The following OTUD7A variants were observed in gnomAD, a reference collection of about 807,000 sequenced individuals.
OTUD7A encodes OTU domain-containing protein 7A.
In OTUD7A, 12 loss-of-function variants were observed where a neutral mutation model predicts 65.7. The ratio of observed to expected loss-of-function variants is 0.18; its 90% CI spans 0.12 to 0.30. OTUD7A has a LOEUF of 0.30. Ranked by LOEUF, OTUD7A falls within the 10% of genes least tolerant of loss-of-function variation. OTUD7A has a pLI of 1.00. For missense variants in OTUD7A, 1,148 were observed against 1,304.8 expected (o/e 0.88, Z 1.85); for synonymous variants, 641 against 586.3 (o/e 1.09, Z -1.35).
intron 1 of OTUD7A, among the ~76,000 whole-genome samples, chr15:31,840,991 C>T (rs917831651): frequency 1.4e-4 from 21 of 152,120 alleles, no homozygotes; most frequent in African/African-American, 4.8e-4. Context: ...TGAGGAATGC[C>T]GTCACCTGTG....
intron 1 of OTUD7A, among the ~76,000 whole-genome samples, chr15:31,828,173 T>C (rs1050200860): frequency 6.6e-6 from 1 of 152,232 alleles, no homozygotes; most frequent in Non-Finnish European, 1.5e-5. Flanking sequence ...TATGCTTAAA[T>C]TCTGCTTTAG....
intron 8 of OTUD7A, among the ~76,000 whole-genome samples, chr15:31,523,892 C>T (rs139573594): frequency 0.034 from 5,164 of 152,332 alleles, 112 homozygotes; most frequent in Middle Eastern, 0.099. Flanking sequence ...CTCTGGAGCA[C>T]CCTGTTGGCG....
intron 1 of OTUD7A, among the ~76,000 whole-genome samples, chr15:31,792,900 C>T (rs140036294): frequency 6.6e-6 from 1 of 152,248 alleles, no homozygotes; most frequent in Non-Finnish European, 1.5e-5. Context: ...GGCAGGCTGC[C>T]CCCCTGCCTG....
At position 31,726,347 on chromosome 15, in the gene OTUD7A, G is replaced by A. The variant is rs188247278; in HGVS notation, c.-99-69270C>T. 4.4e-4 allele frequency among the ~76,000 whole-genome samples: 66 copies of A among 149,892 alleles called. 1 individual carries two copies. The East Asian group carries it at 4.5e-3, about 10-fold the overall frequency. ...TCTCGAATTACACACACACACACAC[G>A]CACACACACACACACACACACTTTG... On this transcript the variant is annotated intron_variant, in intron 1 of 12. Coordinates refer to ENST00000307050, the MANE Select transcript of OTUD7A (RefSeq NM_001382637.1).
chr15:31,510,537 A>G, intron 8 of OTUD7A, among the ~76,000 whole-genome samples: 1 of 104,640 alleles, frequency 9.6e-6, no homozygotes, highest in South Asian at 3.0e-4. Flanking sequence ...TGTAACATAC[A>G]TATGTATATC....
chr15:31,857,297 A>G (rs909690694), intron 1 of OTUD7A, among the ~76,000 whole-genome samples: 2 of 152,194 alleles, frequency 1.3e-5, no homozygotes, highest in African/African-American at 4.8e-5. Flanking sequence ...CAGATGTCAC[A>G]TACAGGGACA....
chr15:31,663,282 CAA>C (rs1491228574), intron 1 of OTUD7A, among the ~76,000 whole-genome samples: 14 of 150,358 alleles, frequency 9.3e-5, no homozygotes, highest in South Asian at 6.3e-4. Flanking sequence ...CACACACACA[CAA>C]GTTTTTAAAA....
intron 1 of OTUD7A, among the ~76,000 whole-genome samples, chr15:31,754,183 A>G (rs1159896317): frequency 2.0e-5 from 3 of 151,958 alleles, no homozygotes; most frequent in African/African-American, 7.2e-5. Flanking sequence ...AATTGTCTAT[A>G]CATGTCCTTA....
At chr15:31,733,506 A>G (rs1414247235) in intron 1 of OTUD7A, among the ~76,000 whole-genome samples, 6 of 152,090 alleles carry the variant, frequency 3.9e-5, no homozygotes, top group Admixed American at 3.9e-4. Context: ...GTTCAACTTA[A>G]ACGCTTTTTC....
rs377703122 is a variant in OTUD7A at position 31,842,955 on chromosome 15, G to C, written c.-100+27552C>G. 2.6e-4 allele frequency among the ~76,000 whole-genome samples: 40 copies of C among 152,196 alleles called. No individual in the cohort carries two copies. In the South Asian group the frequency reaches 7.5e-3, roughly 28 times the overall value. ...CAGGAAGCCAAGGGCTGAGGGAATGGACGAGAAACTGCTGTGCACAAGCCT... is the reference window on the plus strand; with the variant it reads ...CAGGAAGCCAAGGGCTGAGGGAATGCACGAGAAACTGCTGTGCACAAGCCT... On this transcript the variant is annotated intron_variant, in intron 1 of 12. Transcript: ENST00000307050.
At chr15:31,509,355 C>A (rs961959379) in intron 8 of OTUD7A, among the ~76,000 whole-genome samples, 1 of 151,884 alleles carries the variant, frequency 6.6e-6, no homozygotes, top group African/African-American at 2.4e-5. Flanking sequence ...CTCAGCTCAC[C>A]GCAAATTCCA....
At chr15:31,759,408 A>G (rs2070102525) in intron 1 of OTUD7A, among the ~76,000 whole-genome samples, 1 of 152,228 alleles carries the variant, frequency 6.6e-6, no homozygotes, top group South Asian at 2.1e-4. Context: ...CCATGTGTGC[A>G]TGAGTCTGCC....
At chr15:31,733,705 G>T (rs1894110478) in intron 1 of OTUD7A, among the ~76,000 whole-genome samples, 1 of 152,200 alleles carries the variant, frequency 6.6e-6, no homozygotes, top group Non-Finnish European at 1.5e-5. Flanking sequence ...GTCATGGCTG[G>T]AACTGTCACC....
At chr15:31,626,914 T>TGG (rs35073350) in intron 3 of OTUD7A, among the ~76,000 whole-genome samples, 1 of 149,006 alleles carries the variant, frequency 6.7e-6, no homozygotes, top group East Asian at 2.0e-4. Flanking sequence ...TTTGTTTTTA[T>TGG]GGTTTCTTTT....
rs118035866 is a variant in OTUD7A at position 31,774,353 on chromosome 15, C to T, written c.-100+96154G>A. 8.5e-5 allele frequency among the ~76,000 whole-genome samples: 13 copies of T among 152,368 alleles called. No homozygotes were observed. The East Asian group carries it at 1.7e-3, about 20-fold the overall frequency. On this transcript the variant is annotated intron_variant, in intron 1 of 12. Coordinates refer to ENST00000307050, the MANE Select transcript of OTUD7A (RefSeq NM_001382637.1). ...TGCCTTGCACCTAGGGGCCTCCTGC[C>T]GGCTCTTCATGACGCTTTAGACTGC... is the stretch of plus-strand genomic sequence containing the variant.
intron 1 of OTUD7A, among the ~76,000 whole-genome samples, chr15:31,699,131 G>T (rs1490767579): frequency 4.0e-5 from 6 of 149,636 alleles, no homozygotes; most frequent in Non-Finnish European, 7.4e-5. Context: ...CCAGGCTGGA[G>T]TGCAGTGGTG....
chr15:31,589,642 T>C lies in OTUD7A; in HGVS notation c.152-19445A>G, dbSNP rs376417409. ...TGTTTGCATTTTTTCAATGAATTTA[T>C]ACTAATATCCTCAGGGCCTCAGTTT... On this transcript the variant is annotated intron_variant, in intron 3 of 12. Coordinates refer to ENST00000307050, the MANE Select transcript of OTUD7A (RefSeq NM_001382637.1). Among the ~76,000 whole-genome samples the C allele has an allele frequency of 3.9e-4, 59 of 152,140 alleles. 1 individual carries two copies. The highest frequency in any genetic ancestry group is 1.3e-3 in the African/African-American group (55 of 41,496).
At chr15:31,787,853 A>G (rs1388156055) in intron 1 of OTUD7A, 1 of 152,240 alleles carries the variant, frequency 6.6e-6, no homozygotes, top group African/African-American at 2.4e-5. Flanking sequence ...GAGGGAGCTC[A>G]CACTGGCATA....
At chr15:31,620,965 T>G (rs1482167432) in intron 3 of OTUD7A, among the ~76,000 whole-genome samples, 1 of 138,492 alleles carries the variant, frequency 7.2e-6, no homozygotes, top group Admixed American at 7.2e-5. Flanking sequence ...TGGTATGTTG[T>G]GTCTTTGTTC....
Sources: gnomAD v4.1 joint callset for allele counts (sites outside exome capture counted in the v4.1 genomes callset) on GRCh38, gnomAD v4.1.1 for gene constraint, MANE v1.5 for transcripts, NCBI Gene and HGNC (gene_info 2026-07-23, HGNC 2026-07-21) for gene names.